Variants in ASB2 observed in about 807,000 individuals in gnomAD.
ASB2 encodes ankyrin repeat and SOCS box containing 2.
A neutral mutation model predicts 62.4 loss-of-function variants in ASB2; 58 were observed. The observed-to-expected ratio is 0.93, with a 90% CI of 0.75 to 1.16. The LOEUF (loss-of-function observed/expected upper bound fraction) is 1.16, where lower values mean the gene tolerates loss of function less well. Among genes scored for constraint, ASB2 ranks in the 50% most tolerant of loss-of-function variants. The probability of loss-of-function intolerance (pLI) is 0.00; values close to 1 mark genes in which losing one functional copy is unlikely to be tolerated. For synonymous variants in ASB2, 386 were observed against 385.3 expected, an observed-to-expected ratio of 1.00 and a Z score of -0.02; for missense variants, 928 against 887.9, an observed-to-expected ratio of 1.05 and a Z score of -0.57.
intron 2 of ASB2, among the ~76,000 whole-genome samples, chr14:93,959,142 AGACT>A (rs1889324040): frequency 6.6e-6 from 1 of 152,226 alleles, no homozygotes; most frequent in Non-Finnish European, 1.5e-5. Flanking sequence ...GGAAACAGAC[AGACT>A]GAGTTCCATT....
chr14:93,965,542 G>A (rs138479242), intron 1 of ASB2, among the ~76,000 whole-genome samples: 1 of 152,336 alleles, frequency 6.6e-6, no homozygotes, highest in African/African-American at 2.4e-5. Flanking sequence ...CCAGTTGGGT[G>A]CCAATGCTTT....
In ASB2 at chr14:93,963,003, TCTTTCC is replaced by T. The variant is rs201968443; in HGVS notation, c.206+1325_206+1330del. On this transcript the variant is annotated intron_variant, in intron 2 of 9. Transcript: ENST00000555019. Reference sequence around the variant, plus strand: ...GCTTAGTAACCTGGAGTCTTCGTACTCTTTCCGGCTGCCCAAAGTAGCTGCCTGCCT... The same window carrying T: ...GCTTAGTAACCTGGAGTCTTCGTACTGGCTGCCCAAAGTAGCTGCCTGCCT... 7.6e-3 allele frequency among the ~76,000 whole-genome samples: 1,156 copies of T among 152,172 alleles called. 8 individuals are homozygous for T. Among genetic ancestry groups the T allele is most frequent in the Middle Eastern group, 0.031 (9 of 292 alleles).
rs114924111 is a variant in ASB2 at position 93,962,080 on chromosome 14, G to C, written c.206+2254C>G. Among the ~76,000 whole-genome samples the C allele has an allele frequency of 5.3e-5, 8 of 151,478 alleles. No homozygotes were observed. The South Asian group carries it at 1.7e-3, about 32-fold the overall frequency. On this transcript the variant is annotated intron_variant, in intron 2 of 9. Coordinates refer to ENST00000555019, the MANE Select transcript of ASB2 (RefSeq NM_001202429.2). The stretch of plus-strand genomic sequence containing the variant: ...CATGGGAGGTGCTCAATGTGCATTT[G>C]GGGGGAGAAGAATTTCATTAAACAT...
chr14:93,958,816 G>A (rs1475187254), intron 2 of ASB2, among the ~76,000 whole-genome samples: 2 of 152,148 alleles, frequency 1.3e-5, no homozygotes, highest in Non-Finnish European at 2.9e-5. Flanking sequence ...CTTGGGTCAC[G>A]GCCACCCTCA....
chr14:93,967,343 T>C (rs1396227912), intron 1 of ASB2, among the ~76,000 whole-genome samples: 1 of 151,146 alleles, frequency 6.6e-6, no homozygotes, highest in African/African-American at 2.5e-5. Flanking sequence ...GACACCCTTC[T>C]CTTCTCTAAA....
At chr14:93,953,287 C>T in intron 5 of ASB2, 65 bp downstream of exon 5, 4 of 1,402,266 alleles carry the variant, frequency 2.9e-6, no homozygotes, top group Non-Finnish European at 2.9e-6. Flanking sequence ...GAGCAACATT[C>T]CCTGTTGCTC....
At chr14:93,971,056 G>C (rs546777200) in intron 1 of ASB2, among the ~76,000 whole-genome samples, 3 of 152,296 alleles carry the variant, frequency 2.0e-5, no homozygotes, top group East Asian at 1.9e-4. Context: ...CTCGTGCCCA[G>C]CTGGCGGTTC....
intron 6 of ASB2, 72 bp from the exon 7 acceptor site, chr14:93,947,592 CGTGGTGGGCCTGCT>C: frequency 6.6e-7 from 1 of 1,513,146 alleles, no homozygotes; most frequent in Non-Finnish European, 9.1e-7. Flanking sequence ...AACGCCACCG[CGTGGTGGGCCTGCT>C]GTGCTAACCA....
chr14:93,962,791 C>T (rs183247019), intron 2 of ASB2, among the ~76,000 whole-genome samples: 446 of 152,320 alleles, frequency 2.9e-3, no homozygotes, highest in African/African-American at 0.01. Context: ...GCCCTGTCTT[C>T]AGAGGAAGGA....
intron 1 of ASB2, among the ~76,000 whole-genome samples, chr14:93,969,754 C>T (rs1487752248): frequency 6.6e-6 from 1 of 152,082 alleles, no homozygotes; most frequent in Non-Finnish European, 1.5e-5. Context: ...GAGGCCTGGC[C>T]CCGCAGGGCC....
At chr14:93,949,047 A>G (rs1180175012) in intron 6 of ASB2, among the ~76,000 whole-genome samples, 10 of 152,220 alleles carry the variant, frequency 6.6e-5, no homozygotes, top group Admixed American at 2.6e-4. Flanking sequence ...CACCTGCTTC[A>G]TCTCCTCGGG....
rs7147919 is a variant in ASB2 at position 93,951,075 on chromosome 14, G to A, written c.804C>T (p.Asn268=). 0.63 allele frequency: 1,015,254 copies of A among 1,613,900 alleles called. 323,868 individuals are homozygous for A. The highest frequency in any genetic ancestry group is 0.76 in the East Asian group (34,294 of 44,866). ...VSGGAKVESK[N]AYGITPLFVA... is the part of the protein sequence containing the mutation. ...CGAACAAGGGGGTGATGCCGTAGGCGTTCTTGGATTCCACCTTGGCTCCTC... is the reference window on the plus strand; with the variant it reads ...CGAACAAGGGGGTGATGCCGTAGGCATTCTTGGATTCCACCTTGGCTCCTC... The change falls in exon 6 of 10, where the codon AAC becomes AAT. Residue 268 remains asparagine (N), a synonymous_variant. Transcript: ENST00000555019.
chr14:93,973,802 C>G (rs1889831332), intron 1 of ASB2: 1 of 152,818 alleles, frequency 6.5e-6, no homozygotes, highest in African/African-American at 2.4e-5. Flanking sequence ...CAGGATCTGC[C>G]ATCTGTGCCA....
chr14:93,955,377 C>T, intron 3 of ASB2: 1 of 340,124 alleles, frequency 2.9e-6, no homozygotes, highest in South Asian at 2.3e-5. Flanking sequence ...GGTGTCAGAG[C>T]ACAGATGCCG....
intron 7 of ASB2, chr14:93,939,937 A>AG: frequency 2.4e-6 from 1 of 418,428 alleles, no homozygotes; most frequent in Non-Finnish European, 4.2e-6. Context: ...TCACATAGCC[A>AG]GTAAGGGGCA....
At chr14:93,972,536 A>G (rs188461551) in intron 1 of ASB2, among the ~76,000 whole-genome samples, 130 of 152,228 alleles carry the variant, frequency 8.5e-4, no homozygotes, top group Non-Finnish European at 1.5e-3. Flanking sequence ...GGATGAGGAG[A>G]CTAAGGCCTG....
chr14:93,940,664 G>C (rs1888482911), intron 7 of ASB2, among the ~76,000 whole-genome samples: 1 of 152,208 alleles, frequency 6.6e-6, no homozygotes, highest in African/African-American at 2.4e-5. Flanking sequence ...CCTTCTGGGT[G>C]TGGAGAACTT....
In ASB2 at chr14:93,942,382, C is replaced by T. The variant is rs1280920003; in HGVS notation, c.1053-2710G>A. The T allele has an allele frequency of 2.3e-5, 10 of 433,682 alleles. No homozygotes were observed. The East Asian group carries it at 3.6e-4, about 15-fold the overall frequency. 26.9% of individuals were successfully genotyped at this position (433,682 alleles called of 1,614,324 possible). The stretch of plus-strand genomic sequence containing the variant: ...GCCTTTCCTGTCTGGGCCCTGAGAC[C>T]GGAGCAGATCCAGCTCAGGGTCATT... On this transcript the variant is annotated intron_variant, in intron 7 of 9. Coordinates refer to ENST00000555019, the MANE Select transcript of ASB2 (RefSeq NM_001202429.2).
intron 1 of ASB2, among the ~76,000 whole-genome samples, chr14:93,973,702 C>T (rs1889828416): frequency 6.6e-6 from 1 of 152,248 alleles, no homozygotes; most frequent in South Asian, 2.1e-4. Flanking sequence ...AGGCTGGCCC[C>T]TCCCCGCATC....
Sources: allele counts gnomAD v4.1 joint callset (sites outside exome capture counted in the v4.1 genomes callset), GRCh38; gene constraint gnomAD v4.1.1; transcripts MANE v1.5; gene names NCBI Gene and HGNC (gene_info 2026-07-23, HGNC 2026-07-21).